MAP2K4: variants seen among roughly 807,000 people sequenced by gnomAD.
MAP2K4 encodes dual specificity mitogen-activated protein kinase kinase 4.
MAP2K4 carries 4 observed loss-of-function variants against 48.5 expected under a neutral mutation model. That is an observed-to-expected ratio of 0.08 (90% CI 0.04 to 0.19). The LOEUF (loss-of-function observed/expected upper bound fraction) is 0.19. MAP2K4 is among the 10% of genes least tolerant of loss of function. MAP2K4 has a pLI of 1.00. For synonymous variants in MAP2K4, 166 were observed against 173.1 expected, an observed-to-expected ratio of 0.96 and a Z score of 0.32; for missense variants, 258 against 493.3, an observed-to-expected ratio of 0.52 and a Z score of 4.52.
At chr17:12,085,172 A>G (rs1971320847) in intron 3 of MAP2K4, among the ~76,000 whole-genome samples, 1 of 152,126 alleles carries the variant, frequency 6.6e-6, no homozygotes, top group African/African-American at 2.4e-5. Flanking sequence ...TGTGCGAAAA[A>G]CCAAAGAAAC....
chr17:12,049,571 G>C (rs747476730), intron 1 of MAP2K4, among the ~76,000 whole-genome samples: 1 of 152,202 alleles, frequency 6.6e-6, no homozygotes, highest in Admixed American at 6.5e-5. Flanking sequence ...GACTGGGACT[G>C]CTGGGCCTTT....
intron 2 of MAP2K4, among the ~76,000 whole-genome samples, chr17:12,073,219 T>C (rs28918126): frequency 0.013 from 2,014 of 152,288 alleles, 57 homozygotes; most frequent in African/African-American, 0.046. Flanking sequence ...TGTTCATTTC[T>C]TCTCCTGCCC....
intron 1 of MAP2K4, among the ~76,000 whole-genome samples, chr17:12,047,960 C>T (rs942398259): frequency 2.0e-5 from 3 of 152,296 alleles, no homozygotes; most frequent in South Asian, 2.1e-4. Flanking sequence ...TTAGTATTTT[C>T]AGTGGTGATC....
rs181668763 is a variant in MAP2K4, at chr17:12,139,033, T to C, written c.1041-806T>C. The stretch of plus-strand genomic sequence containing the variant: ...TTCCTTCTTAAAGAGGGAATCTACA[T>C]AGCACATTGCAGTATCTGTTACAGA... On this transcript the variant is annotated intron_variant, in intron 9 of 10. Coordinates refer to ENST00000353533, the MANE Select transcript of MAP2K4 (RefSeq NM_003010.4). Among the ~76,000 whole-genome samples, 5 of 152,274 alleles carry C rather than the reference T, an allele frequency of 3.3e-5. No individual in the cohort carries two copies. In the East Asian group the frequency reaches 9.7e-4, roughly 29 times the overall value.
At position 12,129,145 on chromosome 17, in the gene MAP2K4, T is replaced by C. The variant is rs982042571; in HGVS notation, c.898T>C (p.Leu300=). 1.3e-5 allele frequency: 21 copies of C among 1,613,608 alleles called. No individual in the cohort carries two copies. Among genetic ancestry groups the C allele is most frequent in the Non-Finnish European group, 1.6e-5 (19 of 1,179,970 alleles). The change falls in exon 9 of 11, where the codon TTG becomes CTG. Residue 300 remains leucine (L), a synonymous_variant. Coordinates refer to ENST00000353533, the MANE Select transcript of MAP2K4 (RefSeq NM_003010.4). ...VWSLGITLYE[L]ATGRFPYPKW... ...TCCTCTTTGTTCTCTTTAGTATGAG[T>C]TGGCCACAGGCCGATTTCCTTATCC...
chr17:12,128,009 AAAT>A (rs1324671863), intron 8 of MAP2K4, among the ~76,000 whole-genome samples: 1 of 152,226 alleles, frequency 6.6e-6, no homozygotes, highest in Non-Finnish European at 1.5e-5. Flanking sequence ...AGTGCATGTA[AAAT>A]GGGATTCATT....
At chr17:12,104,655 T>C (rs1972046992) in intron 4 of MAP2K4, among the ~76,000 whole-genome samples, 1 of 152,154 alleles carries the variant, frequency 6.6e-6, no homozygotes, top group Non-Finnish European at 1.5e-5. Context: ...ATACTGATCT[T>C]TTGTTTCTTT....
chr17:12,023,261 A>G (rs993416344), intron 1 of MAP2K4, among the ~76,000 whole-genome samples: 2 of 152,182 alleles, frequency 1.3e-5, no homozygotes, highest in Non-Finnish European at 2.9e-5. Context: ...TTAAGCAGCA[A>G]TTTAGGATCC....
chr17:12,138,570 ATCCATGTAT>A (rs1416793614), intron 9 of MAP2K4, among the ~76,000 whole-genome samples: 3 of 152,100 alleles, frequency 2.0e-5, no homozygotes, highest in Admixed American at 1.3e-4. Flanking sequence ...CAGAAGAAAA[ATCCATGTAT>A]AAGTGGATTT....
At chr17:12,090,185 C>A (rs1971516832) in intron 3 of MAP2K4, among the ~76,000 whole-genome samples, 1 of 152,096 alleles carries the variant, frequency 6.6e-6, no homozygotes, top group South Asian at 2.1e-4. Context: ...ATCAGGTAAC[C>A]CAGAGTGCCT....
intron 7 of MAP2K4, 113 bp downstream of exon 7, chr17:12,113,473 C>T: frequency 7.5e-7 from 1 of 1,325,700 alleles, no homozygotes; most frequent in Non-Finnish European, 1.0e-6. Context: ...AGAATATTTC[C>T]CTTACCCTAA....
chr17:12,070,981 G>A (rs1200533526), intron 2 of MAP2K4, among the ~76,000 whole-genome samples: 1 of 152,188 alleles, frequency 6.6e-6, no homozygotes, highest in Non-Finnish European at 1.5e-5. Flanking sequence ...AAGGTTCTGG[G>A]GGAGGATCCC....
chr17:12,029,817 C>T (rs1969375947), intron 1 of MAP2K4, among the ~76,000 whole-genome samples: 1 of 151,738 alleles, frequency 6.6e-6, no homozygotes, highest in South Asian at 2.1e-4. Flanking sequence ...CTTGCACCTG[C>T]TGAGATGAGA....
intron 8 of MAP2K4, among the ~76,000 whole-genome samples, chr17:12,128,283 TAGAC>T (rs1972916915): frequency 1.3e-5 from 2 of 152,164 alleles, no homozygotes; most frequent in Admixed American, 6.5e-5. Context: ...TTCACCGTGT[TAGAC>T]AGGATGGTGT....
chr17:12,080,545 A>G (rs1427202403), intron 2 of MAP2K4, among the ~76,000 whole-genome samples: 7 of 152,310 alleles, frequency 4.6e-5, no homozygotes, highest in South Asian at 4.1e-4. Flanking sequence ...TAATGGAAAT[A>G]TGTAATGAGT....
chr17:12,060,962 A>G (rs1007969583), intron 2 of MAP2K4, among the ~76,000 whole-genome samples: 1 of 152,098 alleles, frequency 6.6e-6, no homozygotes, highest in Non-Finnish European at 1.5e-5. Context: ...CCGTTAAGCA[A>G]TAAGTCCTTA....
intron 3 of MAP2K4, among the ~76,000 whole-genome samples, chr17:12,089,605 A>G (rs1456369113): frequency 2.0e-5 from 3 of 152,152 alleles, no homozygotes; most frequent in Non-Finnish European, 2.9e-5. Flanking sequence ...ACCTATTCCT[A>G]ACTTCTCTAA....
chr17:12,078,404 G>A (rs557229778), intron 2 of MAP2K4, among the ~76,000 whole-genome samples: 1 of 152,234 alleles, frequency 6.6e-6, no homozygotes, highest in African/African-American at 2.4e-5. Flanking sequence ...GGTACATGGT[G>A]TATATATTTA....
chr17:12,118,623 T>G (rs189909657), intron 7 of MAP2K4, among the ~76,000 whole-genome samples: 2 of 152,328 alleles, frequency 1.3e-5, no homozygotes, highest in East Asian at 3.9e-4. Flanking sequence ...GCCATGTACT[T>G]TCACCCAAAT....
Sources: gnomAD v4.1 joint callset for allele counts (sites outside exome capture counted in the v4.1 genomes callset) on GRCh38, gnomAD v4.1.1 for gene constraint, MANE v1.5 for transcripts, NCBI Gene and HGNC (gene_info 2026-07-23, HGNC 2026-07-21) for gene names.